Variants in CNTN5 observed in about 807,000 individuals in gnomAD.
The protein encoded by CNTN5 is contactin 5.
In CNTN5, 77 loss-of-function variants were observed where a neutral mutation model predicts 129.1. That is an observed-to-expected ratio of 0.60 (90% CI 0.50 to 0.72). The LOEUF (loss-of-function observed/expected upper bound fraction) is 0.72, where lower values mean the gene tolerates loss of function less well. Among genes scored for constraint, CNTN5 ranks in the 30% least tolerant of loss-of-function variants. CNTN5 has a pLI of 0.00. For missense variants in CNTN5, 1,478 were observed against 1,328.8 expected (o/e 1.11, Z -1.75); for synonymous variants, 509 against 465.6 (o/e 1.09, Z -1.20).
chr11:100,279,643 G>A (rs2138812782), intron 18 of CNTN5, among the ~76,000 whole-genome samples: 1 of 151,988 alleles, frequency 6.6e-6, no homozygotes, highest in Non-Finnish European at 1.5e-5. Flanking sequence ...AATTTCTGCA[G>A]TGTGAGATGT....
chr11:99,688,311 G>A (rs1314142931), intron 3 of CNTN5, among the ~76,000 whole-genome samples: 1 of 152,040 alleles, frequency 6.6e-6, no homozygotes, highest in Non-Finnish European at 1.5e-5. Context: ...CAAAGTGCTG[G>A]GATTACAGGT....
chr11:99,606,423 A>G (rs866345331), intron 3 of CNTN5, among the ~76,000 whole-genome samples: 6 of 143,066 alleles, frequency 4.2e-5, no homozygotes, highest in African/African-American at 1.6e-4. Flanking sequence ...GAGAACTACA[A>G]ACCACTGCTC....
intron 8 of CNTN5, among the ~76,000 whole-genome samples, chr11:99,971,107 C>T (rs1951238491): frequency 6.6e-6 from 1 of 152,198 alleles, no homozygotes; most frequent in Non-Finnish European, 1.5e-5. Flanking sequence ...TGAAATTCAT[C>T]TGCCACTTTC....
intron 3 of CNTN5, among the ~76,000 whole-genome samples, chr11:99,723,229 A>G (rs183126816): frequency 1.4e-3 from 153 of 106,458 alleles, no homozygotes; most frequent in Non-Finnish European, 2.7e-3. Context: ...CCACTTTGGG[A>G]AAAAAAAATC....
chr11:100,034,798 T>G (rs1941895320), intron 9 of CNTN5, among the ~76,000 whole-genome samples: 1 of 152,204 alleles, frequency 6.6e-6, no homozygotes, highest in African/African-American at 2.4e-5. Flanking sequence ...TAAACTCAAA[T>G]ATGAACATCA....
At chr11:99,628,749 ATAAACTGGCATCAATTACTT>A in intron 3 of CNTN5, among the ~76,000 whole-genome samples, 1 of 152,174 alleles carries the variant, frequency 6.6e-6, no homozygotes, top group East Asian at 1.9e-4. Flanking sequence ...GCACAGGGAA[ATAAACTGGCATCAATTACTT>A]CTGTTTGATT....
At position 99,963,395 on chromosome 11, in the gene CNTN5, G is replaced by T. The variant is rs558983065; in HGVS notation, c.877+6386G>T. Among the ~76,000 whole-genome samples the T allele has an allele frequency of 4.7e-3, 716 of 152,214 alleles. 5 individuals are homozygous for T. The highest frequency in any genetic ancestry group is 0.015 in the African/African-American group (641 of 41,544). On this transcript the variant is annotated intron_variant, in intron 8 of 24. Coordinates refer to ENST00000524871, the MANE Select transcript of CNTN5 (RefSeq NM_014361.4). Reference sequence around the variant, plus strand: ...TACATATGGCTAGCCAGTTTTCCCAGCACCATTTATTAAATAGGGAATCCT... The same window carrying T: ...TACATATGGCTAGCCAGTTTTCCCATCACCATTTATTAAATAGGGAATCCT...
intron 3 of CNTN5, among the ~76,000 whole-genome samples, chr11:99,577,209 AT>A: frequency 6.6e-6 from 1 of 152,320 alleles, no homozygotes; most frequent in African/African-American, 2.4e-5. Context: ...GCATTAGTGC[AT>A]TAAAGCAGGG....
At chr11:99,598,881 A>C (rs1950228126) in intron 3 of CNTN5, among the ~76,000 whole-genome samples, 1 of 152,128 alleles carries the variant, frequency 6.6e-6, no homozygotes, top group African/African-American at 2.4e-5. Flanking sequence ...TTTCATTTTA[A>C]TCTATGATAA....
At chr11:100,180,067 C>A (rs985350286) in intron 13 of CNTN5, among the ~76,000 whole-genome samples, 3 of 152,100 alleles carry the variant, frequency 2.0e-5, no homozygotes, top group African/African-American at 7.2e-5. Context: ...ACAAGGACAA[C>A]ATTATGCTTA....
chr11:99,469,100 A>C (rs899848000), intron 2 of CNTN5, among the ~76,000 whole-genome samples: 23 of 151,972 alleles, frequency 1.5e-4, no homozygotes, highest in African/African-American at 4.1e-4. Context: ...GGTAAAAGAA[A>C]AGAGCTGTAA....
intron 8 of CNTN5, among the ~76,000 whole-genome samples, chr11:99,960,569 C>G (rs1950916544): frequency 6.6e-6 from 1 of 152,008 alleles, no homozygotes. Flanking sequence ...TTCATACTAA[C>G]TGAAACTTTG....
chr11:99,262,536 A>C (rs1169757785), intron 1 of CNTN5, among the ~76,000 whole-genome samples: 2 of 151,620 alleles, frequency 1.3e-5, no homozygotes, highest in East Asian at 3.9e-4. Context: ...AAATGTTGGC[A>C]TAATTAACCT....
At chr11:100,139,690 C>CCTAT (rs1023255181) in intron 13 of CNTN5, among the ~76,000 whole-genome samples, 2 of 151,934 alleles carry the variant, frequency 1.3e-5, no homozygotes, top group African/African-American at 4.8e-5. Context: ...ATGGCAAAAC[C>CCTAT]CTATCTCTAC....
Position 99,714,853 on chromosome 11 carries a change from G to GAAAA in CNTN5, c.56-104682_56-104679dup, listed in dbSNP as rs10699540. ...GCCTGTTTGAACTTCAGCTCATGTG[G>GAAAA]AAAAAAAAAAAACCTTGAAGCTGTC... is the stretch of plus-strand genomic sequence containing the variant. On this transcript the variant is annotated intron_variant, in intron 3 of 24. Transcript: ENST00000524871. Among the ~76,000 whole-genome samples, 1,260 of 148,210 alleles carry GAAAA rather than the reference G, an allele frequency of 8.5e-3. 20 individuals carry two copies. Among genetic ancestry groups the GAAAA allele is most frequent in the African/African-American group, 0.03 (1,212 of 40,620 alleles).
intron 3 of CNTN5, among the ~76,000 whole-genome samples, chr11:99,561,228 C>T (rs1948831317): frequency 6.6e-6 from 1 of 151,912 alleles, no homozygotes; most frequent in Non-Finnish European, 1.5e-5. Context: ...TCTGGTGTGT[C>T]AAAGAGATGT....
intron 3 of CNTN5, among the ~76,000 whole-genome samples, chr11:99,667,111 T>C (rs1483988309): frequency 6.6e-6 from 1 of 152,048 alleles, no homozygotes; most frequent in Non-Finnish European, 1.5e-5. Flanking sequence ...CTAGAAATTA[T>C]GTTGTATTAT....
chr11:100,115,312 TAA>T (rs1249342932), intron 13 of CNTN5, among the ~76,000 whole-genome samples: 1 of 151,986 alleles, frequency 6.6e-6, no homozygotes, highest in Non-Finnish European at 1.5e-5. Context: ...TAAGACTAAT[TAA>T]GGAGTAAGAT....
intron 3 of CNTN5, among the ~76,000 whole-genome samples, chr11:99,768,117 T>C (rs1267064809): frequency 6.6e-6 from 1 of 152,066 alleles, no homozygotes; most frequent in Non-Finnish European, 1.5e-5. Flanking sequence ...ACCTAAAATA[T>C]CTACCATCTG....
Sources: allele counts gnomAD v4.1 joint callset (sites outside exome capture counted in the v4.1 genomes callset), GRCh38; gene constraint gnomAD v4.1.1; transcripts MANE v1.5; gene names NCBI Gene and HGNC (gene_info 2026-07-23, HGNC 2026-07-21).